HPCAL1: variants seen among roughly 807,000 people sequenced by gnomAD.
The protein encoded by HPCAL1 is hippocalcin like 1.
A neutral mutation model predicts 17.1 loss-of-function variants in HPCAL1; 8 were observed. The observed-to-expected ratio is 0.47, with a 90% confidence interval of 0.27 to 0.84. HPCAL1 has a LOEUF of 0.84. Ranked by LOEUF, HPCAL1 falls within the 40% of genes least tolerant of loss-of-function variation. The pLI is 0.13. For missense variants in HPCAL1, 165 were observed against 271.1 expected, an observed-to-expected ratio of 0.61 and a Z score of 2.75; for synonymous variants, 112 against 111.4, an observed-to-expected ratio of 1.01 and a Z score of -0.03.
In HPCAL1 at chr2:10,363,514, C is replaced by T. The variant is rs1445166160; in HGVS notation, c.-110-33321C>T. Among the ~76,000 whole-genome samples the T allele has an allele frequency of 1.3e-5, 2 of 152,176 alleles. No individual in the cohort carries two copies. Among genetic ancestry groups the T allele is most frequent in the South Asian group, 2.1e-4 (1 of 4,832 alleles). ...CATAGTCCTGCCTATACCCTCTACA[C>T]GTGGCGTTTCAGGTCTGGAGAGTCA... On this transcript the variant is annotated intron_variant, in intron 1 of 4. Transcript: ENST00000307845. This position sits in a 1 kb window ranked among gnomAD's most constrained non-coding sequence, Gnocchi z 4.7.
intron 1 of HPCAL1, among the ~76,000 whole-genome samples, chr2:10,379,932 T>C (rs12475051): frequency 0.18 from 28,042 of 152,114 alleles, 3,331 homozygotes; most frequent in East Asian, 0.49. Flanking sequence ...TGGAATCAGA[T>C]GTGGCCCAAC....
At chr2:10,379,615 TA>T (rs1667816920) in intron 1 of HPCAL1, among the ~76,000 whole-genome samples, 1 of 152,138 alleles carries the variant, frequency 6.6e-6, no homozygotes, top group Non-Finnish European at 1.5e-5. Context: ...GGCTTTGCCT[TA>T]ACCATGCCAG....
chr2:10,427,102 C>T lies in HPCAL1; in HGVS notation c.*281C>T, dbSNP rs984058552. ...TTGGTTCCAGGCACCTCCCGGCTCA[C>T]GGGGAGCTCAGAGGTCCATGCCGAG... On this transcript the variant is annotated 3_prime_UTR_variant, in exon 5 of 5. Coordinates refer to ENST00000307845, the MANE Select transcript of HPCAL1 (RefSeq NM_002149.4). The T allele has an allele frequency of 1.3e-4, 54 of 431,260 alleles. No homozygotes were observed. Among genetic ancestry groups the T allele is most frequent in the African/African-American group, 8.7e-4 (43 of 49,626 alleles). 26.7% of individuals were successfully genotyped at this position (431,260 alleles called of 1,614,324 possible).
rs1668197344 is a variant in HPCAL1 at position 10,384,700 on chromosome 2, G to GCCC, written c.-110-12135_-110-12134insCCC. Among the ~76,000 whole-genome samples the GCCC allele has an allele frequency of 6.6e-6, 1 of 152,174 alleles. No homozygotes were observed. The highest frequency in any genetic ancestry group is 1.5e-5 in the Non-Finnish European group (1 of 68,030). ...AAGAGCAGTTCACTGGGGAGTTAGG[G>GCCC]AGTGTTCTAGGCAGAGTAAACAGTG... On this transcript the variant is annotated intron_variant, in intron 1 of 4. Transcript: ENST00000307845. The surrounding 1 kb of genome is among the most constrained non-coding windows in gnomAD (Gnocchi z 4.4).
rs536805264 is a variant in HPCAL1, at chr2:10,394,899, G to A, written c.-110-1936G>A. Among the ~76,000 whole-genome samples, 1 of 152,132 alleles carries A rather than the reference G, an allele frequency of 6.6e-6. No homozygotes were observed. Among genetic ancestry groups the A allele is most frequent in the Admixed American group, 6.5e-5 (1 of 15,278 alleles). On this transcript the variant is annotated intron_variant, in intron 1 of 4. Coordinates refer to ENST00000307845, the MANE Select transcript of HPCAL1 (RefSeq NM_002149.4). The surrounding 1 kb of genome is among the most constrained non-coding windows in gnomAD (Gnocchi z 5.0). ...CAACCTCAGCCTTCTGGGCCCAGGT[G>A]ATCTTCCCACCTCAGCCTCCCAGGT...
At chr2:10,374,048 G>A (rs534736398) in intron 1 of HPCAL1, among the ~76,000 whole-genome samples, 3 of 152,138 alleles carry the variant, frequency 2.0e-5, no homozygotes, top group African/African-American at 4.8e-5. Flanking sequence ...CCTGGAGCTC[G>A]GGTGGCCTGG....
rs1664403142 is a variant in HPCAL1, at chr2:10,331,874, A to G, written c.-111+28697A>G. Among the ~76,000 whole-genome samples the G allele has an allele frequency of 6.6e-6, 1 of 151,884 alleles. No individual in the cohort carries two copies. The highest frequency in any genetic ancestry group is 1.5e-5 in the Non-Finnish European group (1 of 68,008). ...TGTCACCCGTTGTCATTTACGAGAC[A>G]GCCCTGTGTCACCTGTTGATTCAGA... On this transcript the variant is annotated intron_variant, in intron 1 of 4. Transcript: ENST00000307845. The surrounding 1 kb of genome is among the most constrained non-coding windows in gnomAD (Gnocchi z 5.0).
chr2:10,358,144 A>G (rs1666292743), intron 1 of HPCAL1, among the ~76,000 whole-genome samples: 2 of 152,244 alleles, frequency 1.3e-5, no homozygotes, highest in African/African-American at 4.8e-5. Flanking sequence ...ATCGTGGCCG[A>G]TGGCTGGATG....
rs184968396 is a variant in HPCAL1 at position 10,377,060 on chromosome 2, G to A, written c.-110-19775G>A. On this transcript the variant is annotated intron_variant, in intron 1 of 4. Transcript: ENST00000307845. This position sits in a 1 kb window ranked among gnomAD's most constrained non-coding sequence, Gnocchi z 5.9. ...AATACATACTGTATTGTATTAATCAGATATGTTGTCCTGTGTTATTAAAAT... is the reference window on the plus strand; with the variant it reads ...AATACATACTGTATTGTATTAATCAAATATGTTGTCCTGTGTTATTAAAAT... Among the ~76,000 whole-genome samples the A allele has an allele frequency of 3.3e-5, 5 of 152,130 alleles. No individual in the cohort carries two copies. In the East Asian group the frequency reaches 9.7e-4, roughly 29 times the overall value.
intron 1 of HPCAL1, among the ~76,000 whole-genome samples, chr2:10,390,147 C>T (rs1424826451): frequency 6.6e-6 from 1 of 152,202 alleles, no homozygotes; most frequent in African/African-American, 2.4e-5. Context: ...CTAGTCATGA[C>T]CACTCGCGGC....
Position 10,386,092 on chromosome 2 carries a change from C to T in HPCAL1, c.-110-10743C>T, listed in dbSNP as rs140525314. ...TAACGTCACAGTCGCTCTTGAACAT[C>T]TCGGACTTTCACATGGGCCAGCCAC... On this transcript the variant is annotated intron_variant, in intron 1 of 4. Coordinates refer to ENST00000307845, the MANE Select transcript of HPCAL1 (RefSeq NM_002149.4). 2.9e-3 allele frequency among the ~76,000 whole-genome samples: 440 copies of T among 152,332 alleles called. 2 individuals carry two copies. The highest frequency in any genetic ancestry group is 0.01 in the African/African-American group (421 of 41,570).
intron 1 of HPCAL1, among the ~76,000 whole-genome samples, chr2:10,364,563 C>G (rs1358897252): frequency 1.3e-5 from 2 of 151,962 alleles, no homozygotes; most frequent in African/African-American, 2.4e-5. Flanking sequence ...CCCTGACGGC[C>G]TCCTCTCCTA....
rs1248616383 is a variant in HPCAL1, at chr2:10,394,535, G to A, written c.-110-2300G>A. 1.3e-5 allele frequency among the ~76,000 whole-genome samples: 2 copies of A among 152,196 alleles called. No individual in the cohort carries two copies. Among genetic ancestry groups the A allele is most frequent in the African/African-American group, 2.4e-5 (1 of 41,466 alleles). On this transcript the variant is annotated intron_variant, in intron 1 of 4. Coordinates refer to ENST00000307845, the MANE Select transcript of HPCAL1 (RefSeq NM_002149.4). The surrounding 1 kb of genome is among the most constrained non-coding windows in gnomAD (Gnocchi z 5.0). ...AGGGGCTTTAGGGCAGCGAGCCCGC[G>A]CTATGTGATGCTGTAATGGTGGGTG... is the stretch of plus-strand genomic sequence containing the variant.
chr2:10,358,036 C>A lies in HPCAL1; in HGVS notation c.-110-38799C>A, dbSNP rs532837611. On this transcript the variant is annotated intron_variant, in intron 1 of 4. Transcript: ENST00000307845. ...GTTCCTTTCCCGTGTCCACCACGGC[C>A]CCGTGCTGTATAGCAGCCCCGGTGG... Among the ~76,000 whole-genome samples, 5 of 152,360 alleles carry A rather than the reference C, an allele frequency of 3.3e-5. No homozygotes were observed. In the South Asian group the frequency reaches 1.0e-3, roughly 32 times the overall value.
chr2:10,410,436 C>CTTTTTTTTTTTTTTTTTTTTTTT (rs36002921), intron 2 of HPCAL1, among the ~76,000 whole-genome samples: 4 of 77,494 alleles, frequency 5.2e-5, no homozygotes, highest in African/African-American at 9.9e-5. Flanking sequence ...TCTTCTTCTT[C>CTTTTTTTTTTTTTTTTTTTTTTT]TTTTTTTTTT....
chr2:10,303,418 T>G (rs960667731), intron 1 of HPCAL1, among the ~76,000 whole-genome samples: 1 of 152,178 alleles, frequency 6.6e-6, no homozygotes, highest in African/African-American at 2.4e-5. Flanking sequence ...GGTGTGCACA[T>G]TTTGGACTGC....
chr2:10,326,694 C>T lies in HPCAL1; in HGVS notation c.-111+23517C>T, dbSNP rs112365838. Among the ~76,000 whole-genome samples the T allele has an allele frequency of 1.6e-3, 238 of 152,276 alleles. 2 individuals are homozygous for T. Among genetic ancestry groups the T allele is most frequent in the African/African-American group, 5.3e-3 (220 of 41,546 alleles). Reference sequence around the variant, plus strand: ...TGCATGAGGAGGGATTTCTGTCCAGCGCCCCTGGTCCTCAAGCTCCTCCTC... The same window carrying T: ...TGCATGAGGAGGGATTTCTGTCCAGTGCCCCTGGTCCTCAAGCTCCTCCTC... On this transcript the variant is annotated intron_variant, in intron 1 of 4. Transcript: ENST00000307845.
intron 1 of HPCAL1, among the ~76,000 whole-genome samples, chr2:10,348,540 G>T (rs1430041569): frequency 5.3e-5 from 8 of 151,940 alleles, no homozygotes; most frequent in Admixed American, 2.6e-4. Context: ...AAGGTGGGGG[G>T]ATCGCTTGAG....
At chr2:10,371,101 T>TA (rs1667176033) in intron 1 of HPCAL1, among the ~76,000 whole-genome samples, 1 of 152,084 alleles carries the variant, frequency 6.6e-6, no homozygotes, top group South Asian at 2.1e-4. Context: ...AGGTGGGTGT[T>TA]ACCAGGGCCT....
Sources: allele counts gnomAD v4.1 joint callset (sites outside exome capture counted in the v4.1 genomes callset), GRCh38; gene constraint gnomAD v4.1.1; non-coding constraint Gnocchi (gnomAD v3.1); transcripts MANE v1.5; gene names NCBI Gene and HGNC (gene_info 2026-07-23, HGNC 2026-07-21).